The following NVL variants were observed in gnomAD, a reference collection of about 807,000 sequenced individuals.
NVL encodes nuclear VCP like.
NVL carries 84 observed loss-of-function variants against 110.2 expected under a neutral mutation model. The observed-to-expected ratio is 0.76, with a 90% CI of 0.64 to 0.91. NVL has a LOEUF of 0.91. Among genes scored for constraint, NVL ranks in the 40% least tolerant of loss-of-function variants. The pLI, the probability that NVL is intolerant of heterozygous loss-of-function variation, is 0.00. For synonymous variants in NVL, 354 were observed against 361.1 expected (o/e 0.98, Z 0.22); for missense variants, 882 against 1,035.9 (o/e 0.85, Z 2.04).
intron 22 of NVL, among the ~76,000 whole-genome samples, chr1:224,229,830 G>A (rs2102685978): frequency 6.6e-6 from 1 of 152,190 alleles, no homozygotes; most frequent in South Asian, 2.1e-4. Flanking sequence ...TTTTTCTTCT[G>A]TGTTTATTTG....
chr1:224,291,121 C>T (rs895194070), intron 12 of NVL, among the ~76,000 whole-genome samples: 3 of 152,224 alleles, frequency 2.0e-5, no homozygotes, highest in African/African-American at 7.2e-5. Context: ...TATAGTAGCA[C>T]TTATTCAGAG....
rs190888184 is a variant in NVL at position 224,255,764 on chromosome 1, C to T, written c.2183-5446G>A. ...TATCTATTTGCTCTTTTATGGTTTACGCTTTTAATATCATATAGGAAATCT... is the reference window on the plus strand; with the variant it reads ...TATCTATTTGCTCTTTTATGGTTTATGCTTTTAATATCATATAGGAAATCT... On this transcript the variant is annotated intron_variant, in intron 18 of 22. Transcript: ENST00000281701. Among the ~76,000 whole-genome samples, 105 of 152,230 alleles carry T rather than the reference C, an allele frequency of 6.9e-4. 2 individuals are homozygous for T. In the South Asian group the frequency reaches 0.014, roughly 20 times the overall value.
At position 224,231,227 on chromosome 1, in the gene NVL, T is replaced by A; in HGVS notation, c.2525A>T (p.Lys842Met). 2 of 1,605,034 alleles carry A rather than the reference T, an allele frequency of 1.2e-6. No individual in the cohort carries two copies. The highest frequency in any genetic ancestry group is 8.5e-7 in the Non-Finnish European group (1 of 1,173,118). ...TATGCATTTAATGGCATTGCTTACC[T>A]TTTTTGATATAGATGATCTTACTTT... is the stretch of plus-strand genomic sequence containing the variant. ...FKKVRSSISK[K>M]DQIMYERLQE... The change falls in exon 22 of 23, where the codon AAG (lysine) becomes ATG (methionine). Residue 842 changes from lysine (K) to methionine (M), a missense_variant and splice_region_variant. Lys to Met is a moderately conservative substitution (Grantham distance 95). Coordinates refer to ENST00000281701, the MANE Select transcript of NVL (RefSeq NM_002533.4).
At chr1:224,265,556 G>A (rs77347434) in intron 18 of NVL, among the ~76,000 whole-genome samples, 7,558 of 152,096 alleles carry the variant, frequency 0.05, 228 homozygotes, top group East Asian at 0.099. Context: ...AATATGGTGC[G>A]GGCTGTTAAC....
intron 5 of NVL, among the ~76,000 whole-genome samples, chr1:224,311,297 G>A (rs1329189625): frequency 6.6e-6 from 1 of 151,992 alleles, no homozygotes; most frequent in African/African-American, 2.4e-5. Context: ...CTGGGCTAAA[G>A]TGATCCACCC....
intron 20 of NVL, 105 bp from the exon 21 acceptor site, chr1:224,233,394 G>A: frequency 1.4e-6 from 1 of 709,792 alleles, no homozygotes; most frequent in South Asian, 2.7e-5. Context: ...ATAATCAGGA[G>A]AAAAAGTGAC....
intron 2 of NVL, among the ~76,000 whole-genome samples, chr1:224,323,297 A>G (rs1218533171): frequency 6.6e-6 from 1 of 152,200 alleles, no homozygotes; most frequent in Non-Finnish European, 1.5e-5. Context: ...ATTTTACAGT[A>G]TAGAGAGACA....
chr1:224,303,822 C>T lies in NVL; in HGVS notation c.861G>A (p.Pro287=), dbSNP rs192990289. The T allele has an allele frequency of 4.8e-5, 77 of 1,613,726 alleles. No individual in the cohort carries two copies. The East Asian group carries it at 9.8e-4, about 21-fold the overall frequency. ...CGACGCCCAGGTGGTGGTACACCTCCGGGTGACGCATGTGTATGAGCATCT... is the reference window on the plus strand; with the variant it reads ...CGACGCCCAGGTGGTGGTACACCTCTGGGTGACGCATGTGTATGAGCATCT... The part of the protein sequence containing the change: ...VCKMLIHMRH[P]EVYHHLGVVP... The change falls in exon 9 of 23, where the codon CCG becomes CCA. Residue 287 remains proline (P), a synonymous_variant. Transcript: ENST00000281701.
intron 19 of NVL, among the ~76,000 whole-genome samples, chr1:224,244,749 G>A (rs1022756615): frequency 3.3e-5 from 5 of 150,708 alleles, no homozygotes; most frequent in African/African-American, 7.3e-5. Flanking sequence ...GTGCAGTGGC[G>A]TAATCTCGGC....
At chr1:224,326,561 G>A in intron 1 of NVL, 97 bp from the exon 2 acceptor site, 5 of 713,386 alleles carry the variant, frequency 7.0e-6, no homozygotes, top group East Asian at 5.3e-5. Context: ...TATACTTTAA[G>A]ATAAACTCTT....
At chr1:224,250,422 T>C in intron 18 of NVL, 104 bp from the exon 19 acceptor site, 2 of 1,068,240 alleles carry the variant, frequency 1.9e-6, no homozygotes, top group Non-Finnish European at 2.6e-6. Context: ...TGGAGTGCAG[T>C]GGCATGATCT....
At chr1:224,317,596 G>A (rs1258980187) in intron 4 of NVL, 98 bp downstream of exon 4, 2 of 723,212 alleles carry the variant, frequency 2.8e-6, no homozygotes, top group Non-Finnish European at 4.9e-6. Flanking sequence ...ATCACGCAGG[G>A]CTTTGTTGGC....
At chr1:224,268,690 C>T (rs1017557890) in intron 17 of NVL, among the ~76,000 whole-genome samples, 3 of 151,756 alleles carry the variant, frequency 2.0e-5, no homozygotes, top group African/African-American at 7.3e-5. Context: ...TGAAGTTTCA[C>T]TCTTGTTGCC....
chr1:224,304,389 C>T (rs996818210), intron 8 of NVL, among the ~76,000 whole-genome samples: 1 of 151,942 alleles, frequency 6.6e-6, no homozygotes, highest in Non-Finnish European at 1.5e-5. Context: ...CGCGCCACTG[C>T]ACTCCAGCCT....
chr1:224,259,158 G>A (rs1369947285), intron 18 of NVL, among the ~76,000 whole-genome samples: 4 of 150,170 alleles, frequency 2.7e-5, no homozygotes, highest in Admixed American at 6.6e-5. Context: ...GCACAATCTC[G>A]GCTCACTGCA....
chr1:224,227,565 C>T lies in NVL; in HGVS notation c.*61G>A, dbSNP rs1284903954. 11 of 1,505,712 alleles carry T rather than the reference C, an allele frequency of 7.3e-6. No individual in the cohort carries two copies. Among genetic ancestry groups the T allele is most frequent in the African/African-American group, 2.8e-5 (2 of 72,366 alleles). The allele number at this position is 1,505,712 out of a possible 1,614,324, so 93.3% of individuals were successfully genotyped here. On this transcript the variant is annotated 3_prime_UTR_variant, in exon 23 of 23. Coordinates refer to ENST00000281701, the MANE Select transcript of NVL (RefSeq NM_002533.4). ...CCAGCTGAAAGTGGGTCCTTCAGAG[C>T]GTGTGGGGGATTCTCTGCCGGCTTG...
At chr1:224,304,318 G>A (rs1044346584) in intron 8 of NVL, among the ~76,000 whole-genome samples, 5 of 152,028 alleles carry the variant, frequency 3.3e-5, no homozygotes, top group African/African-American at 7.2e-5. Flanking sequence ...CCAACTACTC[G>A]GGTGGCTGAG....
chr1:224,297,324 A>G (rs149277488), intron 10 of NVL, among the ~76,000 whole-genome samples: 27 of 152,336 alleles, frequency 1.8e-4, no homozygotes, highest in African/African-American at 6.3e-4. Context: ...CTAATACATC[A>G]GTGTAAAGAT....
At chr1:224,288,620 A>C (rs1667088649) in intron 13 of NVL, among the ~76,000 whole-genome samples, 1 of 152,208 alleles carries the variant, frequency 6.6e-6, no homozygotes, top group African/African-American at 2.4e-5. Context: ...CAAATGTCTA[A>C]GAAAAAAACA....
Sources: gnomAD v4.1 joint callset for allele counts (sites outside exome capture counted in the v4.1 genomes callset) on GRCh38, gnomAD v4.1.1 for gene constraint, MANE v1.5 for transcripts, NCBI Gene and HGNC (gene_info 2026-07-23, HGNC 2026-07-21) for gene names.